STEAP1B: variants seen among roughly 807,000 people sequenced by gnomAD.
STEAP1B encodes STEAP family member 1B, also known as STEAP family protein MGC87042.
Under a neutral mutation model 27.9 loss-of-function variants are expected in STEAP1B, and 13 were observed. The ratio of observed to expected loss-of-function variants is 0.47; its 90% CI spans 0.30 to 0.74. STEAP1B has a LOEUF of 0.74. STEAP1B is among the 30% of genes least tolerant of loss of function. STEAP1B has a pLI of 0.06. For missense variants in STEAP1B, 250 were observed against 298.7 expected (o/e 0.84, Z 1.20); for synonymous variants, 86 against 107.1 (o/e 0.80, Z 1.22).
chr7:22,453,461 T>C (rs1785523213), intron 4 of STEAP1B, among the ~76,000 whole-genome samples: 1 of 152,218 alleles, frequency 6.6e-6, no homozygotes, highest in South Asian at 2.1e-4. Flanking sequence ...TTCATGTCGT[T>C]GAGATGGAAA....
intron 4 of STEAP1B, among the ~76,000 whole-genome samples, chr7:22,454,638 A>G (rs1785542332): frequency 6.6e-6 from 1 of 151,826 alleles, no homozygotes; most frequent in South Asian, 2.1e-4. Context: ...TTGCTGGAGA[A>G]GCCATGTGTA....
At chr7:22,422,800 C>CA (rs1485579140) in intron 4 of STEAP1B, among the ~76,000 whole-genome samples, 1 of 152,128 alleles carries the variant, frequency 6.6e-6, no homozygotes, top group African/African-American at 2.4e-5. Context: ...CCCACTATTT[C>CA]AAAAAGATTT....
intron 4 of STEAP1B, among the ~76,000 whole-genome samples, chr7:22,420,742 C>T (rs990660135): frequency 1.3e-5 from 2 of 152,250 alleles, no homozygotes; most frequent in African/African-American, 4.8e-5. Flanking sequence ...TAAAGTTCTT[C>T]TCTTCCTGGG....
At chr7:22,462,663 G>A (rs557238501) in intron 4 of STEAP1B, among the ~76,000 whole-genome samples, 1 of 148,102 alleles carries the variant, frequency 6.8e-6, no homozygotes, top group Non-Finnish European at 1.5e-5. Flanking sequence ...CCAAGTCTTT[G>A]CTATTGTGAA....
chr7:22,444,513 G>A (rs1785380153), intron 4 of STEAP1B, among the ~76,000 whole-genome samples: 1 of 152,146 alleles, frequency 6.6e-6, no homozygotes, highest in African/African-American at 2.4e-5. Flanking sequence ...GGATTCCAGG[G>A]ACCATGGACT....
At chr7:22,470,372 A>G (rs1426098378) in intron 4 of STEAP1B, among the ~76,000 whole-genome samples, 2 of 152,254 alleles carry the variant, frequency 1.3e-5, no homozygotes, top group South Asian at 2.1e-4. Flanking sequence ...CTATGAGTCC[A>G]TATTGATATA....
chr7:22,448,663 G>T (rs1043298192), intron 4 of STEAP1B, among the ~76,000 whole-genome samples: 9 of 152,086 alleles, frequency 5.9e-5, no homozygotes, highest in Admixed American at 4.6e-4. Flanking sequence ...AAAATCAGGA[G>T]AGGTATACTT....
chr7:22,476,356 C>G (rs1231956811), intron 4 of STEAP1B, among the ~76,000 whole-genome samples: 1 of 152,152 alleles, frequency 6.6e-6, no homozygotes, highest in African/African-American at 2.4e-5. Context: ...AACTTATACA[C>G]AGGGATGGCC....
chr7:22,485,165 T>C (rs1786180524), intron 4 of STEAP1B, among the ~76,000 whole-genome samples: 1 of 152,234 alleles, frequency 6.6e-6, no homozygotes, highest in Non-Finnish European at 1.5e-5. Flanking sequence ...TTAAAGAAAT[T>C]CTACTGTGGG....
intron 4 of STEAP1B, among the ~76,000 whole-genome samples, chr7:22,453,369 C>T (rs527260639): frequency 1.7e-4 from 26 of 150,636 alleles, no homozygotes; most frequent in African/African-American, 6.4e-4. Context: ...CAGTTTCTTA[C>T]TGCCTCCCTC....
At chr7:22,433,703 A>G (rs1785219115) in intron 4 of STEAP1B, among the ~76,000 whole-genome samples, 2 of 152,204 alleles carry the variant, frequency 1.3e-5, no homozygotes, top group Non-Finnish European at 1.5e-5. Context: ...GTGAAAGGAT[A>G]GACAGATTTA....
At chr7:22,456,218 C>A (rs1038765717) in intron 4 of STEAP1B, among the ~76,000 whole-genome samples, 6 of 152,166 alleles carry the variant, frequency 3.9e-5, no homozygotes, top group South Asian at 2.1e-4. Context: ...TCAATTACTG[C>A]AAAGATTTCT....
At chr7:22,491,271 G>A (rs2128417134) in intron 4 of STEAP1B, among the ~76,000 whole-genome samples, 1 of 152,202 alleles carries the variant, frequency 6.6e-6, no homozygotes, top group South Asian at 2.1e-4. Context: ...TAATTATCCA[G>A]ATATATAATA....
At chr7:22,427,601 T>TA (rs1462993799) in intron 4 of STEAP1B, among the ~76,000 whole-genome samples, 2 of 152,156 alleles carry the variant, frequency 1.3e-5, no homozygotes, top group Non-Finnish European at 2.9e-5. Context: ...TCTAAAGCCG[T>TA]AAAAGGCTCA....
intron 4 of STEAP1B, among the ~76,000 whole-genome samples, chr7:22,474,216 C>A (rs1054851170): frequency 9.2e-5 from 14 of 152,294 alleles, no homozygotes; most frequent in Admixed American, 6.5e-4. Flanking sequence ...GTCCCATGAT[C>A]ATTTAACTTC....
At chr7:22,451,731 A>C (rs1785494049) in intron 4 of STEAP1B, among the ~76,000 whole-genome samples, 1 of 152,220 alleles carries the variant, frequency 6.6e-6, no homozygotes, top group Admixed American at 6.5e-5. Flanking sequence ...CCAGGGATAA[A>C]TCCCACTTGG....
chr7:22,464,679 G>T (rs80249441), intron 4 of STEAP1B, among the ~76,000 whole-genome samples: 2 of 151,556 alleles, frequency 1.3e-5, no homozygotes, highest in Non-Finnish European at 2.9e-5. Flanking sequence ...AGAGATGCAC[G>T]CACACAGAAA....
At chr7:22,495,052 G>T (rs190537540) in intron 1 of STEAP1B, among the ~76,000 whole-genome samples, 166 bp from the exon 2 acceptor site, 1 of 152,324 alleles carries the variant, frequency 6.6e-6, no homozygotes, top group Non-Finnish European at 1.5e-5. Context: ...ATTATAATCT[G>T]TAAGTTTCAA....
intron 4 of STEAP1B, among the ~76,000 whole-genome samples, chr7:22,443,216 T>A (rs1785360935): frequency 6.6e-6 from 1 of 152,214 alleles, no homozygotes; most frequent in South Asian, 2.1e-4. Flanking sequence ...ACTGACATGC[T>A]TCCCAACAAC....
Sources: allele counts gnomAD v4.1 joint callset (sites outside exome capture counted in the v4.1 genomes callset), GRCh38; gene constraint gnomAD v4.1.1; transcripts MANE v1.5; gene names NCBI Gene and HGNC (gene_info 2026-07-23, HGNC 2026-07-21).